Variants in ZC3H12B observed in about 807,000 individuals in gnomAD.
ZC3H12B encodes the protein probable ribonuclease ZC3H12B.
ZC3H12B carries 7 observed loss-of-function variants against 43.9 expected under a neutral mutation model. That is an observed-to-expected ratio of 0.16 (90% CI 0.09 to 0.30). The LOEUF is 0.30. Ranked by LOEUF, ZC3H12B falls within the 10% of genes least tolerant of loss-of-function variation. The pLI, the probability that ZC3H12B is intolerant of heterozygous loss-of-function variation, is 1.00. For synonymous variants in ZC3H12B, 222 were observed against 241.7 expected (o/e 0.92, Z 0.76); for missense variants, 475 against 670.2 (o/e 0.71, Z 3.22).
the ZC3H12B span, among the ~76,000 whole-genome samples, chrX:65,310,143 G>C: frequency 9.0e-6 from 1 of 111,481 alleles, no homozygotes; most frequent in Non-Finnish European, 1.9e-5. Flanking sequence ...TTGGAAGTTC[G>C]GGCCAGGGCA....
the ZC3H12B span, among the ~76,000 whole-genome samples, chrX:65,159,706 A>T: frequency 3.0e-4 from 34 of 111,988 alleles, no homozygotes; most frequent in African/African-American, 1.1e-3. Context: ...TGTCATCTGC[A>T]AAAAGGGACA....
intron 3 of ZC3H12B, among the ~76,000 whole-genome samples, chrX:65,461,181 G>A (rs1159458382): frequency 2.7e-5 from 3 of 112,039 alleles, no homozygotes; most frequent in Non-Finnish European, 5.6e-5. Context: ...ACTTAGAATG[G>A]TGATCATTAA....
At chrX:65,098,039 G>GT in the ZC3H12B span, among the ~76,000 whole-genome samples, 1 of 111,448 alleles carries the variant, frequency 9.0e-6, no homozygotes, top group East Asian at 2.8e-4. Context: ...ACACCATTTT[G>GT]TTTTTTATCA....
chrX:65,063,234 G>C, the ZC3H12B span, among the ~76,000 whole-genome samples: 8 of 111,793 alleles, frequency 7.2e-5, no homozygotes, highest in South Asian at 3.7e-4. Context: ...TCCTTGTCTT[G>C]TGCCAGTTTT....
At chrX:65,435,173 T>A (rs752367362) in intron 3 of ZC3H12B, among the ~76,000 whole-genome samples, 1 of 111,861 alleles carries the variant, frequency 8.9e-6, no homozygotes, top group East Asian at 2.8e-4. Flanking sequence ...TTTTTAACAA[T>A]AATAGGAGAT....
chrX:65,278,273 G>T, the ZC3H12B span, among the ~76,000 whole-genome samples: 1 of 111,536 alleles, frequency 9.0e-6, no homozygotes, highest in Non-Finnish European at 1.9e-5. Context: ...GCATTAGCAT[G>T]CTAAAAGACA....
chrX:65,454,760 G>C (rs2067581327), intron 3 of ZC3H12B, among the ~76,000 whole-genome samples: 1 of 111,118 alleles, frequency 9.0e-6, no homozygotes, highest in Admixed American at 9.6e-5. Flanking sequence ...CACATGGCCG[G>C]GTACTCCTCT....
chrX:65,241,737 G>A, the ZC3H12B span, among the ~76,000 whole-genome samples: 4 of 112,192 alleles, frequency 3.6e-5, no homozygotes, highest in African/African-American at 1.3e-4. Flanking sequence ...ATTCATTTGT[G>A]TCAGGCAATC....
At chrX:65,347,436 G>A in the ZC3H12B span, among the ~76,000 whole-genome samples, 4 of 111,892 alleles carry the variant, frequency 3.6e-5, no homozygotes, top group Non-Finnish European at 7.5e-5. Flanking sequence ...GATATGAACA[G>A]ACAGTTCTCA....
chrX:65,095,413 C>T, the ZC3H12B span, among the ~76,000 whole-genome samples: 2 of 111,066 alleles, frequency 1.8e-5, no homozygotes, highest in South Asian at 7.6e-4. Context: ...ATAGATCTGT[C>T]AGATAATTGA....
chrX:65,202,343 A>T, the ZC3H12B span, among the ~76,000 whole-genome samples: 14 of 106,963 alleles, frequency 1.3e-4, no homozygotes. Context: ...TTTAGTTTTC[A>T]CTGTCTAGTA....
At chrX:65,150,367 G>GT in the ZC3H12B span, among the ~76,000 whole-genome samples, 209 of 106,929 alleles carry the variant, frequency 2.0e-3, no homozygotes, top group South Asian at 0.023. Context: ...GAATATTTCA[G>GT]TTTTTTTTTT....
At chrX:65,233,163 C>T in the ZC3H12B span, among the ~76,000 whole-genome samples, 1 of 111,550 alleles carries the variant, frequency 9.0e-6, no homozygotes, top group Non-Finnish European at 1.9e-5. Context: ...GACATTGAAT[C>T]CCCTCTTTCA....
At chrX:65,475,694 G>C (rs1484728280) in intron 3 of ZC3H12B, among the ~76,000 whole-genome samples, 1 of 112,244 alleles carries the variant, frequency 8.9e-6, no homozygotes. Flanking sequence ...CGTGGCTGGG[G>C]AGCCTCACAA....
the ZC3H12B span, among the ~76,000 whole-genome samples, chrX:65,343,696 T>A: frequency 8.9e-6 from 1 of 112,146 alleles, no homozygotes; most frequent in African/African-American, 3.2e-5. Flanking sequence ...GAGCCATTTA[T>A]AATAAACCTA....
the ZC3H12B span, among the ~76,000 whole-genome samples, chrX:65,331,552 G>GTTTGTTTA: frequency 1.1e-4 from 11 of 103,742 alleles, no homozygotes; most frequent in African/African-American, 4.2e-4. Context: ...TAAGTTTAAT[G>GTTTGTTTA]TTTATTTATT....
chrX:65,171,139 C>T, the ZC3H12B span, among the ~76,000 whole-genome samples: 1 of 111,271 alleles, frequency 9.0e-6, no homozygotes, highest in South Asian at 3.8e-4. Flanking sequence ...GAATTTTCAG[C>T]TTTTCTGCTT....
At chrX:65,288,778 C>G in the ZC3H12B span, among the ~76,000 whole-genome samples, 1 of 110,952 alleles carries the variant, frequency 9.0e-6, no homozygotes, top group African/African-American at 3.3e-5. Flanking sequence ...TAAAAAGTAT[C>G]CAAATTCGAA....
chrX:65,138,723 T>C, the ZC3H12B span, among the ~76,000 whole-genome samples: 1 of 111,672 alleles, frequency 9.0e-6, no homozygotes, highest in African/African-American at 3.2e-5. Flanking sequence ...AAAGATTTCC[T>C]TTTTTTTCTG....
Sources: gnomAD v4.1 joint callset for allele counts (sites outside exome capture counted in the v4.1 genomes callset) on GRCh38, gnomAD v4.1.1 for gene constraint, MANE v1.5 for transcripts, NCBI Gene and HGNC (gene_info 2026-07-23, HGNC 2026-07-21) for gene names.